Variants in NALCN observed in about 807,000 individuals in gnomAD.
NALCN encodes the protein sodium leak channel NALCN.
In NALCN, 111 loss-of-function variants were observed where a neutral mutation model predicts 225.3. The observed-to-expected ratio is 0.49, with a 90% CI of 0.42 to 0.58. The LOEUF (loss-of-function observed/expected upper bound fraction) is 0.58. Ranked by LOEUF, NALCN falls within the 20% of genes least tolerant of loss-of-function variation. The pLI is 0.00. For missense variants in NALCN, 1,378 were observed against 2,202.4 expected (o/e 0.63, Z 7.49); for synonymous variants, 764 against 769.0 (o/e 0.99, Z 0.11).
At position 101,163,049 on chromosome 13, in the gene NALCN, C is replaced by T. The variant is rs907687001; in HGVS notation, c.1839+13251G>A. ...CCCAAGTAGCTAGGACTACAGGCGC[C>T]CGCCACTACGCCTGGCTAATTTTTT... is the stretch of plus-strand genomic sequence containing the variant. On this transcript the variant is annotated intron_variant, in intron 15 of 43. Transcript: ENST00000251127. Among the ~76,000 whole-genome samples the T allele has an allele frequency of 3.9e-5, 6 of 152,076 alleles. No individual in the cohort carries two copies. The South Asian group carries it at 1.2e-3, about 32-fold the overall frequency.
At chr13:101,365,007 C>T (rs74590742) in intron 6 of NALCN, among the ~76,000 whole-genome samples, 6,431 of 152,134 alleles carry the variant, frequency 0.042, 434 homozygotes, top group African/African-American at 0.14. Flanking sequence ...AAAATTAATG[C>T]TCTAAATTCC....
chr13:101,354,908 ACTC>A (rs1214102964), intron 6 of NALCN, among the ~76,000 whole-genome samples: 1 of 152,052 alleles, frequency 6.6e-6, no homozygotes, highest in Non-Finnish European at 1.5e-5. Flanking sequence ...ATCGAAGTAT[ACTC>A]CTCAGCGCTG....
At chr13:101,366,834 C>T (rs1412701596) in intron 6 of NALCN, among the ~76,000 whole-genome samples, 1 of 152,070 alleles carries the variant, frequency 6.6e-6, no homozygotes, top group East Asian at 1.9e-4. Flanking sequence ...TTATTATTGA[C>T]CATTGTCACC....
chr13:101,303,208 C>T (rs1280181218), intron 7 of NALCN, among the ~76,000 whole-genome samples: 1 of 152,100 alleles, frequency 6.6e-6, no homozygotes, highest in Non-Finnish European at 1.5e-5. Flanking sequence ...GTCAAAAAAG[C>T]TTCGTTTTGA....
chr13:101,335,997 TTCA>T (rs1293421032), intron 7 of NALCN, among the ~76,000 whole-genome samples: 3 of 152,228 alleles, frequency 2.0e-5, no homozygotes, highest in Non-Finnish European at 4.4e-5. Flanking sequence ...GTAATTTTCT[TTCA>T]TCATATTTTA....
At chr13:101,070,841 G>A (rs1226117372) in intron 37 of NALCN, among the ~76,000 whole-genome samples, 1 of 152,176 alleles carries the variant, frequency 6.6e-6, no homozygotes, top group Non-Finnish European at 1.5e-5. Context: ...ACATACCTGA[G>A]ACTGGGTAAT....
chr13:101,261,171 G>A (rs541439512), intron 10 of NALCN, among the ~76,000 whole-genome samples: 7 of 152,260 alleles, frequency 4.6e-5, no homozygotes, highest in Admixed American at 2.6e-4. Flanking sequence ...TGAGTTCACT[G>A]TAGGTGTGTG....
At chr13:101,321,220 A>G (rs1467380038) in intron 7 of NALCN, among the ~76,000 whole-genome samples, 1 of 151,006 alleles carries the variant, frequency 6.6e-6, no homozygotes, top group Admixed American at 6.6e-5. Flanking sequence ...TAAATAATAG[A>G]CAAAAGTCAA....
intron 28 of NALCN, among the ~76,000 whole-genome samples, chr13:101,094,143 G>T (rs1290772134): frequency 6.6e-6 from 1 of 152,152 alleles, no homozygotes; most frequent in South Asian, 2.1e-4. Flanking sequence ...CCTTTGGAGG[G>T]GGGTACCCTT....
At chr13:101,359,618 T>C (rs532831810) in intron 6 of NALCN, among the ~76,000 whole-genome samples, 37 of 152,370 alleles carry the variant, frequency 2.4e-4, no homozygotes, top group Non-Finnish European at 4.3e-4. Context: ...GGTATCTTTA[T>C]GCAGCTGATG....
intron 17 of NALCN, among the ~76,000 whole-genome samples, chr13:101,139,717 T>C (rs1566327963): frequency 6.6e-6 from 1 of 152,156 alleles, no homozygotes; most frequent in Non-Finnish European, 1.5e-5. Context: ...TGAAAAATAC[T>C]TTATAAGGGG....
intron 7 of NALCN, among the ~76,000 whole-genome samples, chr13:101,305,040 C>A (rs577701260): frequency 6.6e-6 from 1 of 152,034 alleles, no homozygotes; most frequent in African/African-American, 2.4e-5. Flanking sequence ...CAGGCATGAG[C>A]CACCGCACCC....
At chr13:101,221,301 T>C (rs949713168) in intron 13 of NALCN, among the ~76,000 whole-genome samples, 2 of 152,156 alleles carry the variant, frequency 1.3e-5, no homozygotes, top group African/African-American at 2.4e-5. Context: ...GTGTTTTTAG[T>C]AGAGACAGGG....
chr13:101,283,033 A>G (rs1200224879), intron 10 of NALCN, among the ~76,000 whole-genome samples: 2 of 152,202 alleles, frequency 1.3e-5, no homozygotes, highest in African/African-American at 2.4e-5. Flanking sequence ...GATATAAACA[A>G]CTATGGAAAC....
chr13:101,370,432 C>A (rs1407941538), intron 6 of NALCN, among the ~76,000 whole-genome samples: 3 of 152,192 alleles, frequency 2.0e-5, no homozygotes, highest in Non-Finnish European at 4.4e-5. Flanking sequence ...GGAGCTAATG[C>A]CTGGGTTTTA....
intron 6 of NALCN, among the ~76,000 whole-genome samples, chr13:101,370,234 G>A (rs565352275): frequency 2.2e-4 from 34 of 152,206 alleles, no homozygotes; most frequent in South Asian, 1.0e-3. Flanking sequence ...ATGGATGTGA[G>A]TCCTGGTTGT....
chr13:101,249,667 C>T (rs2042003853), intron 11 of NALCN, among the ~76,000 whole-genome samples: 1 of 152,010 alleles, frequency 6.6e-6, no homozygotes, highest in South Asian at 2.1e-4. Context: ...GTGTAGTCAG[C>T]TCAGTATAGG....
chr13:101,355,175 T>C (rs115798434), intron 6 of NALCN, among the ~76,000 whole-genome samples: 4,878 of 152,220 alleles, frequency 0.032, 267 homozygotes, highest in African/African-American at 0.11. Flanking sequence ...AGCAGGTGCC[T>C]GGTGCCATGC....
At chr13:101,331,449 T>A (rs549493802) in intron 7 of NALCN, among the ~76,000 whole-genome samples, 4 of 152,150 alleles carry the variant, frequency 2.6e-5, no homozygotes, top group Non-Finnish European at 5.9e-5. Flanking sequence ...TGAGAGAAAA[T>A]TAAGAGTTCA....
Sources: gnomAD v4.1 joint callset for allele counts (sites outside exome capture counted in the v4.1 genomes callset) on GRCh38, gnomAD v4.1.1 for gene constraint, MANE v1.5 for transcripts, NCBI Gene and HGNC (gene_info 2026-07-23, HGNC 2026-07-21) for gene names.